CCPG1: variants seen among roughly 807,000 people sequenced by gnomAD.
CCPG1 encodes the protein cell cycle progression 1.
CCPG1 carries 46 observed loss-of-function variants against 81.3 expected under a neutral mutation model. The observed-to-expected ratio is 0.57, with a 90% CI of 0.45 to 0.72. The LOEUF (loss-of-function observed/expected upper bound fraction) is 0.72, where lower values mean the gene tolerates loss of function less well. Among genes scored for constraint, CCPG1 ranks in the 30% least tolerant of loss-of-function variants. The probability of loss-of-function intolerance (pLI) is 0.00; values close to 1 mark genes in which losing one functional copy is unlikely to be tolerated. For synonymous variants in CCPG1, 330 were observed against 305.2 expected (o/e 1.08, Z -0.85); for missense variants, 902 against 937.6 (o/e 0.96, Z 0.50).
intron 8 of CCPG1, chr15:55,357,162 C>A: frequency 1.3e-5 from 12 of 947,854 alleles, no homozygotes; most frequent in Non-Finnish European, 1.4e-5. Context: ...CAGTAGTTAC[C>A]TCCAAACACA....
At chr15:55,371,588 T>C (rs1387549938) in intron 6 of CCPG1, among the ~76,000 whole-genome samples, 2 of 152,224 alleles carry the variant, frequency 1.3e-5, no homozygotes, top group Admixed American at 1.3e-4. Context: ...CATTTCTTAA[T>C]AACTACTACC....
chr15:55,361,076 TTCAATA>T, intron 7 of CCPG1, 132 bp from the exon 8 acceptor site: 1 of 945,166 alleles, frequency 1.1e-6, no homozygotes, highest in South Asian at 2.3e-5. Flanking sequence ...GGGTAGTATT[TTCAATA>T]GTATAAACAT....
At chr15:55,362,790 C>G (rs1207161358) in intron 7 of CCPG1, among the ~76,000 whole-genome samples, 3 of 152,108 alleles carry the variant, frequency 2.0e-5, no homozygotes, top group Non-Finnish European at 4.4e-5. Context: ...TCCTTTAATC[C>G]CAGTATTTTG....
chr15:55,369,002 C>T (rs1386226680), intron 6 of CCPG1, among the ~76,000 whole-genome samples: 3 of 152,036 alleles, frequency 2.0e-5, no homozygotes, highest in Non-Finnish European at 2.9e-5. Flanking sequence ...ATCCTAGCTA[C>T]TCAGGAGGGT....
chr15:55,367,329 G>A (rs552673345), intron 6 of CCPG1, among the ~76,000 whole-genome samples: 10 of 152,288 alleles, frequency 6.6e-5, no homozygotes, highest in Middle Eastern at 3.4e-3. Context: ...CTGAATTCAA[G>A]ATAGTATAAT....
chr15:55,357,010 G>GTC (rs1234546628), intron 8 of CCPG1: 1 of 985,158 alleles, frequency 1.0e-6, no homozygotes, highest in African/African-American at 1.7e-5. Flanking sequence ...GATTTTCAAG[G>GTC]TACCACTCCC....
In CCPG1 at chr15:55,408,358, G is replaced by A. The variant is rs958560666; in HGVS notation, c.-147C>T. The A allele has an allele frequency of 1.8e-5, 3 of 162,880 alleles. No individual in the cohort carries two copies. The highest frequency in any genetic ancestry group is 2.7e-5 in the Non-Finnish European group (2 of 75,120). 10.1% of individuals were successfully genotyped at this position (162,880 alleles called of 1,614,324 possible). On this transcript the variant is annotated 5_prime_UTR_variant, in exon 1 of 9. Coordinates refer to ENST00000442196, the MANE Select transcript of CCPG1 (RefSeq NM_001204450.2). ...CAGCCGGCAGGCGGTGACCGGCTGG[G>A]CGCCGCAGTGCATGCCGTGACGCGT... is the stretch of plus-strand genomic sequence containing the variant.
At position 55,364,716 on chromosome 15, in the gene CCPG1, C is replaced by CA. The variant is rs1344621082; in HGVS notation, c.828+471dup. 6.0e-5 allele frequency among the ~76,000 whole-genome samples: 9 copies of CA among 150,280 alleles called. 1 individual carries two copies. The highest frequency in any genetic ancestry group is 2.0e-4 in the East Asian group (1 of 4,890). Reference sequence around the variant, plus strand: ...TGAAACCCCGTCTCTACTAAAAATACAAAAAAATTTGCCGGGCATAGAGGT... The same window carrying CA: ...TGAAACCCCGTCTCTACTAAAAATACAAAAAAAATTTGCCGGGCATAGAGGT... On this transcript the variant is annotated intron_variant, in intron 7 of 8. Transcript: ENST00000442196.
chr15:55,403,199 C>G (rs2057158449), intron 1 of CCPG1, among the ~76,000 whole-genome samples: 1 of 152,156 alleles, frequency 6.6e-6, no homozygotes, highest in Non-Finnish European at 1.5e-5. Context: ...TTAATCTTCA[C>G]AAATACCCCC....
chr15:55,379,242 C>T (rs920008816), intron 3 of CCPG1, among the ~76,000 whole-genome samples: 2 of 149,238 alleles, frequency 1.3e-5, no homozygotes, highest in East Asian at 1.9e-4. Context: ...AGGACTCAGG[C>T]GGGGTGCAGT....
rs952800015 is a variant in CCPG1 at position 55,358,336 on chromosome 15, A to G, written c.2234+1203T>C. On this transcript the variant is annotated intron_variant, in intron 8 of 8. Transcript: ENST00000442196. ...TCCAGCATCCACTGGGGGTCTTGGA[A>G]CATATATCCTGAAGATAAGGGGGGA... is the stretch of plus-strand genomic sequence containing the variant. The G allele has an allele frequency of 1.8e-5, 18 of 978,660 alleles. No homozygotes were observed. The African/African-American group carries it at 3.2e-4, about 17-fold the overall frequency. The allele number at this position is 978,660 out of a possible 1,614,324, so 60.6% of individuals were successfully genotyped here.
chr15:55,356,056 CTT>C lies in CCPG1; in HGVS notation c.*162_*163del, dbSNP rs2056072202. The C allele has an allele frequency of 1.0e-5, 6 of 601,162 alleles. No homozygotes were observed. The highest frequency in any genetic ancestry group is 1.6e-5 in the Non-Finnish European group (6 of 365,158). The allele number at this position is 601,162 out of a possible 1,614,324, so 37.2% of individuals were successfully genotyped here. On this transcript the variant is annotated 3_prime_UTR_variant, in exon 9 of 9. Transcript: ENST00000442196. ...CTACAGGAAAATGCAGGTTAGTAGACTTTTAACTAATGCTTCTGAGGAATAAT... is the reference window on the plus strand; with the variant it reads ...CTACAGGAAAATGCAGGTTAGTAGACTTAACTAATGCTTCTGAGGAATAAT...
At chr15:55,378,530 C>T (rs1401631998) in intron 3 of CCPG1, among the ~76,000 whole-genome samples, 154 bp from the exon 4 acceptor site, 4 of 152,110 alleles carry the variant, frequency 2.6e-5, no homozygotes, top group African/African-American at 9.7e-5. Flanking sequence ...AGAAGTCACT[C>T]CACTGTTGCT....
intron 3 of CCPG1, among the ~76,000 whole-genome samples, chr15:55,378,751 A>G (rs2056617253): frequency 6.6e-6 from 1 of 151,870 alleles, no homozygotes; most frequent in African/African-American, 2.4e-5. Flanking sequence ...TTACAGACAT[A>G]CGCCACGGCT....
chr15:55,380,100 TAAAAAA>T, intron 3 of CCPG1, among the ~76,000 whole-genome samples: 1 of 130,836 alleles, frequency 7.6e-6, no homozygotes, highest in East Asian at 2.2e-4. Context: ...AACTCTGTCT[TAAAAAA>T]AAAAAAAAAG....
chr15:55,372,262 A>C lies in CCPG1; in HGVS notation c.455-218T>G, dbSNP rs1813859378. 2.9e-5 allele frequency: 17 copies of C among 580,486 alleles called. No homozygotes were observed. In the South Asian group the frequency reaches 3.4e-4, roughly 12 times the overall value. 36.0% of individuals were successfully genotyped at this position (580,486 alleles called of 1,614,324 possible). ...CAAATGTGATACACAAGAATCTGTT[A>C]ATCATACTATTTGGTGCTTTGAGAG... is the stretch of plus-strand genomic sequence containing the variant. On this transcript the variant is annotated intron_variant, in intron 5 of 8. Coordinates refer to ENST00000442196, the MANE Select transcript of CCPG1 (RefSeq NM_001204450.2).
At chr15:55,375,251 G>A (rs533002367) in intron 5 of CCPG1, among the ~76,000 whole-genome samples, 1 of 151,862 alleles carries the variant, frequency 6.6e-6, no homozygotes, top group African/African-American at 2.4e-5. Flanking sequence ...TTACAGGCGT[G>A]AGCCACCACG....
At chr15:55,398,809 T>C (rs1046225403) in intron 1 of CCPG1, among the ~76,000 whole-genome samples, 1 of 152,126 alleles carries the variant, frequency 6.6e-6, no homozygotes, top group Non-Finnish European at 1.5e-5. Flanking sequence ...CTCGATCTCT[T>C]GACCTCATGA....
chr15:55,407,537 T>A (rs960825294), intron 1 of CCPG1, among the ~76,000 whole-genome samples: 2 of 152,192 alleles, frequency 1.3e-5, no homozygotes, highest in Non-Finnish European at 2.9e-5. Flanking sequence ...CAGTGCAAAC[T>A]TCACCACTCA....
Sources: allele counts gnomAD v4.1 joint callset (sites outside exome capture counted in the v4.1 genomes callset), GRCh38; gene constraint gnomAD v4.1.1; transcripts MANE v1.5; gene names NCBI Gene and HGNC (gene_info 2026-07-23, HGNC 2026-07-21).